YAP1: variants seen among roughly 807,000 people sequenced by gnomAD.
The protein encoded by YAP1 is transcriptional coactivator YAP1.
In YAP1, 5 loss-of-function variants were observed where a neutral mutation model predicts 56.9. The ratio of observed to expected loss-of-function variants is 0.09; its 90% CI spans 0.05 to 0.18. The LOEUF (loss-of-function observed/expected upper bound fraction) is 0.18, where lower values mean the gene tolerates loss of function less well. Ranked by LOEUF, YAP1 falls within the 10% of genes least tolerant of loss-of-function variation. The pLI is 1.00. For missense variants in YAP1, 539 were observed against 651.8 expected, an observed-to-expected ratio of 0.83 and a Z score of 1.88; for synonymous variants, 265 against 248.1, an observed-to-expected ratio of 1.07 and a Z score of -0.64.
chr11:102,129,511 G>A (rs112526546), intron 2 of YAP1, among the ~76,000 whole-genome samples: 15 of 151,316 alleles, frequency 9.9e-5, no homozygotes, highest in East Asian at 2.0e-4. Context: ...CCAGCTGCTC[G>A]GGAGGCTGAG....
intron 8 of YAP1, among the ~76,000 whole-genome samples, chr11:102,228,587 A>G (rs1411562980): frequency 6.9e-6 from 1 of 144,772 alleles, no homozygotes; most frequent in African/African-American, 2.6e-5. Context: ...GTGAGCCAAG[A>G]TCACACCACT....
rs372893967 is a variant in YAP1, at chr11:102,128,361, C to T, written c.572+13967C>T. On this transcript the variant is annotated intron_variant, in intron 2 of 8. Coordinates refer to ENST00000282441, the MANE Select transcript of YAP1 (RefSeq NM_001130145.3). ...TTCTCATGATAATGAATAAGTCTCA[C>T]GAGATCTGATGGGTTTATCAGGGGT... is the stretch of plus-strand genomic sequence containing the variant. 2.2e-4 allele frequency among the ~76,000 whole-genome samples: 33 copies of T among 152,204 alleles called. No individual in the cohort carries two copies. The East Asian group carries it at 3.7e-3, about 17-fold the overall frequency.
intron 2 of YAP1, among the ~76,000 whole-genome samples, chr11:102,140,255 A>G (rs184656025): frequency 3.3e-5 from 5 of 152,242 alleles, no homozygotes; most frequent in Admixed American, 3.3e-4. Flanking sequence ...AAAATTTTAT[A>G]TAGCTACTAG....
chr11:102,194,453 A>T (rs1948468701), intron 4 of YAP1, among the ~76,000 whole-genome samples: 1 of 152,214 alleles, frequency 6.6e-6, no homozygotes, highest in African/African-American at 2.4e-5. Context: ...TACTAATAGC[A>T]TCCTCCTAAC....
chr11:102,183,700 T>TTGTGTG (rs1555011904), intron 3 of YAP1, among the ~76,000 whole-genome samples: 1 of 98,004 alleles, frequency 1.0e-5, no homozygotes, highest in South Asian at 3.0e-4. Flanking sequence ...ATAATGCTGT[T>TTGTGTG]TCTGTGTGTG....
In YAP1 at chr11:102,217,167, C is replaced by T. The variant is rs377347061; in HGVS notation, c.1033-6455C>T. Among the ~76,000 whole-genome samples, 4 of 152,246 alleles carry T rather than the reference C, an allele frequency of 2.6e-5. No individual in the cohort carries two copies. In the East Asian group the frequency reaches 7.7e-4, roughly 29 times the overall value. On this transcript the variant is annotated intron_variant, in intron 6 of 8. Transcript: ENST00000282441. ...CATTGGCCCTTCTTACTACATTTCT[C>T]TCCTCTCATGTAAATAGCAATATAA...
intron 3 of YAP1, among the ~76,000 whole-genome samples, chr11:102,163,008 G>A (rs1399486951): frequency 7.6e-6 from 1 of 130,760 alleles, no homozygotes; most frequent in Admixed American, 7.8e-5. Flanking sequence ...TTGCTATGGT[G>A]TTCTTAACCC....
At chr11:102,218,971 A>G (rs956454783) in intron 6 of YAP1, among the ~76,000 whole-genome samples, 1 of 152,250 alleles carries the variant, frequency 6.6e-6, no homozygotes, top group Non-Finnish European at 1.5e-5. Flanking sequence ...AAAAGTAGGA[A>G]TTTTATTTAA....
chr11:102,210,713 T>G (rs1285275288), intron 6 of YAP1, among the ~76,000 whole-genome samples: 1 of 152,182 alleles, frequency 6.6e-6, no homozygotes, highest in Non-Finnish European at 1.5e-5. Flanking sequence ...TCTTTGCCAT[T>G]TCTCTGAAGT....
chr11:102,212,618 C>A (rs1949460141), intron 6 of YAP1, among the ~76,000 whole-genome samples: 1 of 151,450 alleles, frequency 6.6e-6, no homozygotes, highest in African/African-American at 2.4e-5. Context: ...GAGTTTTGCC[C>A]TTGTCGCCCA....
At chr11:102,165,496 G>C (rs1946551298) in intron 3 of YAP1, among the ~76,000 whole-genome samples, 1 of 152,118 alleles carries the variant, frequency 6.6e-6, no homozygotes, top group African/African-American at 2.4e-5. Context: ...CACAGTTTCA[G>C]TGGAGTGGCA....
intron 3 of YAP1, among the ~76,000 whole-genome samples, chr11:102,169,326 G>A (rs1946777706): frequency 6.6e-6 from 1 of 152,162 alleles, no homozygotes; most frequent in Non-Finnish European, 1.5e-5. Context: ...CTGTTACTTT[G>A]TTAAAAATCT....
intron 4 of YAP1, among the ~76,000 whole-genome samples, chr11:102,205,562 A>AC (rs1949077873): frequency 2.6e-5 from 4 of 151,326 alleles, no homozygotes; most frequent in Admixed American, 1.3e-4. Context: ...CAATATATTC[A>AC]CCCCCGCTCC....
chr11:102,123,411 T>C (rs571795139), intron 2 of YAP1, among the ~76,000 whole-genome samples: 26 of 152,154 alleles, frequency 1.7e-4, no homozygotes, highest in African/African-American at 5.6e-4. Context: ...ATCACTCTTA[T>C]GGGTTGGGTA....
At chr11:102,177,828 G>A (rs1947352019) in intron 3 of YAP1, among the ~76,000 whole-genome samples, 1 of 152,070 alleles carries the variant, frequency 6.6e-6, no homozygotes, top group African/African-American at 2.4e-5. Flanking sequence ...CCTGTGAGAG[G>A]CATTAAAGAT....
chr11:102,213,884 C>T (rs1949537858), intron 6 of YAP1, among the ~76,000 whole-genome samples: 1 of 152,158 alleles, frequency 6.6e-6, no homozygotes, highest in African/African-American at 2.4e-5. Context: ...CCGAGACCTG[C>T]CTGGCCAATA....
chr11:102,160,929 A>G (rs1213102540), intron 2 of YAP1, among the ~76,000 whole-genome samples: 2 of 151,856 alleles, frequency 1.3e-5, no homozygotes, highest in African/African-American at 4.8e-5. Context: ...AGAACTCATA[A>G]CCACCTATTT....
chr11:102,136,422 C>T (rs561597096), intron 2 of YAP1, among the ~76,000 whole-genome samples: 2 of 151,892 alleles, frequency 1.3e-5, no homozygotes, highest in South Asian at 4.2e-4. Flanking sequence ...CTCACTGCAA[C>T]CTCCATCTCC....
At chr11:102,160,238 G>A (rs961752342) in intron 2 of YAP1, among the ~76,000 whole-genome samples, 5 of 151,938 alleles carry the variant, frequency 3.3e-5, no homozygotes, top group Non-Finnish European at 4.4e-5. Flanking sequence ...GGTCAGGCTG[G>A]TCTTGAACTC....
Sources: allele counts gnomAD v4.1 joint callset (sites outside exome capture counted in the v4.1 genomes callset), GRCh38; gene constraint gnomAD v4.1.1; transcripts MANE v1.5; gene names NCBI Gene and HGNC (gene_info 2026-07-23, HGNC 2026-07-21).